The following CYP11A1 variants were observed in gnomAD, a reference collection of about 807,000 sequenced individuals.
CYP11A1 encodes the protein cytochrome P450 family 11 subfamily A member 1.
CYP11A1 carries 25 observed loss-of-function variants against 51.9 expected under a neutral mutation model. The ratio of observed to expected loss-of-function variants is 0.48; its 90% CI spans 0.35 to 0.67. The LOEUF is 0.67. Ranked by LOEUF, CYP11A1 falls within the 30% of genes least tolerant of loss-of-function variation. The pLI, the probability that CYP11A1 is intolerant of heterozygous loss-of-function variation, is 0.00. For missense variants in CYP11A1, 578 were observed against 680.9 expected, an observed-to-expected ratio of 0.85 and a Z score of 1.68; for synonymous variants, 245 against 262.1, an observed-to-expected ratio of 0.93 and a Z score of 0.63.
intron 5 of CYP11A1, among the ~76,000 whole-genome samples, chr15:74,341,358 CA>C (rs1343566955): frequency 1.3e-5 from 2 of 152,198 alleles, no homozygotes; most frequent in African/African-American, 2.4e-5. Flanking sequence ...GCTCCATTTG[CA>C]GTCTGTCTCA....
At chr15:74,360,198 G>T (rs936736411) in intron 1 of CYP11A1, among the ~76,000 whole-genome samples, 2 of 152,182 alleles carry the variant, frequency 1.3e-5, no homozygotes, top group Admixed American at 1.3e-4. Flanking sequence ...AAGGCCTGGG[G>T]ACACGTGGAG....
At chr15:74,339,914 C>T (rs536360281) in intron 5 of CYP11A1, among the ~76,000 whole-genome samples, 161 bp from the exon 6 acceptor site, 81 of 152,326 alleles carry the variant, frequency 5.3e-4, no homozygotes, top group Non-Finnish European at 4.7e-4. Flanking sequence ...AAACACATTC[C>T]ATTGTCTAAA....
At chr15:74,366,299 T>TG (rs1596170189) in intron 1 of CYP11A1, 3 of 786,052 alleles carry the variant, frequency 3.8e-6, no homozygotes, top group East Asian at 1.3e-4. Flanking sequence ...TTTTTTTTTT[T>TG]GAGACAGAGT....
rs534943170 is a variant in CYP11A1 at position 74,340,145 on chromosome 15, G to T, written c.991-392C>A. 9.8e-5 allele frequency among the ~76,000 whole-genome samples: 15 copies of T among 152,294 alleles called. 1 individual carries two copies. In the South Asian group the frequency reaches 3.1e-3, roughly 32 times the overall value. ...CTCCAGAATGACTGCCATTCCTTTT[G>T]AAATGCCTTGTTAAACAACCACCCC... On this transcript the variant is annotated intron_variant, in intron 5 of 8. Coordinates refer to ENST00000268053, the MANE Select transcript of CYP11A1 (RefSeq NM_000781.3).
intron 1 of CYP11A1, among the ~76,000 whole-genome samples, chr15:74,354,172 G>A (rs141061191): frequency 0.017 from 2,657 of 152,296 alleles, 70 homozygotes; most frequent in African/African-American, 0.061. Flanking sequence ...AAGCTAAGCC[G>A]TCATATCCCC....
At chr15:74,361,846 C>T in intron 1 of CYP11A1, 1 of 1,149,556 alleles carries the variant, frequency 8.7e-7, no homozygotes, top group Non-Finnish European at 1.3e-6. Flanking sequence ...GGCATCTTGT[C>T]CATGGCAAAT....
In CYP11A1 at chr15:74,339,995, C is replaced by T. The variant is rs570199686; in HGVS notation, c.991-242G>A. On this transcript the variant is annotated intron_variant, in intron 5 of 8. Coordinates refer to ENST00000268053, the MANE Select transcript of CYP11A1 (RefSeq NM_000781.3). ...TCAGGGCAGCACTTGTCCCTGCCCTCGTCCCTCATGTCACCAAAAACCCAC... is the reference window on the plus strand; with the variant it reads ...TCAGGGCAGCACTTGTCCCTGCCCTTGTCCCTCATGTCACCAAAAACCCAC... Among the ~76,000 whole-genome samples, 8 of 152,354 alleles carry T rather than the reference C, an allele frequency of 5.3e-5. No homozygotes were observed. In the South Asian group the frequency reaches 1.7e-3, roughly 32 times the overall value.
intron 1 of CYP11A1, chr15:74,362,683 A>G (rs1460345260): frequency 6.6e-6 from 1 of 152,256 alleles, no homozygotes; most frequent in East Asian, 1.9e-4. Context: ...TGATGTGAAC[A>G]GCTTTTCCCA....
intron 1 of CYP11A1, among the ~76,000 whole-genome samples, chr15:74,360,278 T>G (rs112474487): frequency 1.3e-4 from 20 of 152,088 alleles, no homozygotes; most frequent in African/African-American, 4.8e-4. Flanking sequence ...CTTACCAGTT[T>G]TTTTTGTTTT....
At chr15:74,362,773 T>C (rs1428148919) in intron 1 of CYP11A1, 1 of 152,234 alleles carries the variant, frequency 6.6e-6, no homozygotes, top group Non-Finnish European at 1.5e-5. Context: ...CTACGAACAA[T>C]AGAAGTGGAA....
chr15:74,361,729 T>G, intron 1 of CYP11A1: 1 of 1,265,152 alleles, frequency 7.9e-7, no homozygotes, highest in South Asian at 1.2e-5. Flanking sequence ...ATTCCAGGAT[T>G]TATGTGTCAG....
chr15:74,338,267 C>G (rs139731182), intron 8 of CYP11A1, 164 bp from the exon 9 acceptor site: 9 of 825,448 alleles, frequency 1.1e-5, no homozygotes, highest in Non-Finnish European at 1.8e-5. Context: ...GATAATGCAC[C>G]CTTAGTGCTG....
At chr15:74,361,607 C>T (rs2060709345) in intron 1 of CYP11A1, 4 of 1,127,742 alleles carry the variant, frequency 3.5e-6, no homozygotes, top group East Asian at 2.7e-5. Flanking sequence ...CCTTGGGTCA[C>T]GTCTCCTTTG....
Position 74,367,446 on chromosome 15 carries a change from G to A in CYP11A1, c.140C>T (p.Pro47Leu), listed in dbSNP as rs2060739674. 1 of 1,614,226 alleles carries A rather than the reference G, an allele frequency of 6.2e-7. No homozygotes were observed. Among genetic ancestry groups the A allele is most frequent in the Non-Finnish European group, 8.5e-7 (1 of 1,180,044 alleles). Residue 47 changes from proline (P) to leucine (L), a missense_variant, in exon 1 of 9, where the codon CCC (proline) becomes CTC (leucine). Physicochemically the swap from Pro to Leu is moderately conservative, Grantham distance 98. Coordinates refer to ENST00000268053, the MANE Select transcript of CYP11A1 (RefSeq NM_000781.3). Reference sequence around the variant, plus strand: ...ACCAGGAGAGGGGATCTCATTGAAGGGGCGAGGACTGCGGGTGGAGATGCC... The same window carrying A: ...ACCAGGAGAGGGGATCTCATTGAAGAGGCGAGGACTGCGGGTGGAGATGCC... ...GAGISTRSPR[P>L]FNEIPSPGDN... is the part of the protein sequence containing the mutation.
chr15:74,358,373 C>T (rs897827925), intron 1 of CYP11A1, among the ~76,000 whole-genome samples: 1 of 152,220 alleles, frequency 6.6e-6, no homozygotes, highest in African/African-American at 2.4e-5. Flanking sequence ...GAAAATATCT[C>T]CTTCCAGCCT....
At chr15:74,340,228 G>T (rs1296890925) in intron 5 of CYP11A1, among the ~76,000 whole-genome samples, 1 of 152,242 alleles carries the variant, frequency 6.6e-6, no homozygotes, top group Non-Finnish European at 1.5e-5. Flanking sequence ...ATGGCTTCAA[G>T]TAAGGCTCAA....
intron 4 of CYP11A1, 139 bp from the exon 5 acceptor site, chr15:74,343,276 A>C: frequency 1.2e-6 from 1 of 811,548 alleles, no homozygotes. Flanking sequence ...TTTACTGAGC[A>C]CGTACTCTGT....
intron 1 of CYP11A1, among the ~76,000 whole-genome samples, chr15:74,351,853 T>G (rs2060657989): frequency 6.6e-6 from 1 of 152,230 alleles, no homozygotes; most frequent in Admixed American, 6.5e-5. Context: ...TTTGAAGTCG[T>G]GGGAGGTTTG....
intron 1 of CYP11A1, among the ~76,000 whole-genome samples, chr15:74,357,437 A>G (rs2060685502): frequency 6.6e-6 from 1 of 152,178 alleles, no homozygotes; most frequent in Non-Finnish European, 1.5e-5. Flanking sequence ...AACCCCTTCT[A>G]CAAAGCAACA....
Sources: allele counts gnomAD v4.1 joint callset (sites outside exome capture counted in the v4.1 genomes callset), GRCh38; gene constraint gnomAD v4.1.1; transcripts MANE v1.5; gene names NCBI Gene and HGNC (gene_info 2026-07-23, HGNC 2026-07-21).